ATP13A2: variants seen among roughly 807,000 people sequenced by gnomAD.
ATP13A2 encodes the protein polyamine-transporting ATPase 13A2.
In ATP13A2, 83 loss-of-function variants were observed where a neutral mutation model predicts 138.3. That is an observed-to-expected ratio of 0.60 (90% CI 0.50 to 0.72). The LOEUF is 0.72. Among genes scored for constraint, ATP13A2 ranks in the 30% least tolerant of loss-of-function variants. ATP13A2 has a pLI of 0.00. For missense variants in ATP13A2, 1,402 were observed against 1,606.4 expected, an observed-to-expected ratio of 0.87 and a Z score of 2.17; for synonymous variants, 663 against 699.0, an observed-to-expected ratio of 0.95 and a Z score of 0.81.
intron 15 of ATP13A2, among the ~76,000 whole-genome samples, chr1:16,994,671 A>AT (rs549102990): frequency 5.5e-5 from 8 of 145,358 alleles, no homozygotes; most frequent in Admixed American, 1.4e-4. Flanking sequence ...CGGTTTATTT[A>AT]TTTTTTTTTG....
intron 16 of ATP13A2, 44 bp downstream of exon 16, chr1:16,993,585 C>T (rs1486871219): frequency 5.9e-6 from 9 of 1,536,154 alleles, no homozygotes; most frequent in African/African-American, 1.4e-5. Context: ...TTCGTTAGGC[C>T]CCACTGCCCA....
At position 16,988,296 on chromosome 1, in the gene ATP13A2, C is replaced by T. The variant is rs201437622; in HGVS notation, c.2762+26G>A. On this transcript the variant is annotated intron_variant, in intron 24 of 28. Coordinates refer to ENST00000326735, the MANE Select transcript of ATP13A2 (RefSeq NM_022089.4). ...TGGCTGACCAGCCCTGCTGAGCCCT[C>T]ACCCACCGGTCCCTGCCTGCCTTAC... 4.3e-6 allele frequency: 7 copies of T among 1,614,192 alleles called. No individual in the cohort carries two copies. The Admixed American group carries it at 1.0e-4, about 23-fold the overall frequency.
Position 17,011,651 on chromosome 1 carries a change from T to C in ATP13A2, c.10+78A>G. On this transcript the variant is annotated intron_variant, in intron 1 of 28. Transcript: ENST00000326735. This position sits in a 1 kb window ranked among gnomAD's most constrained non-coding sequence, Gnocchi z 7.3. ...CCGCGGTGGGGGGCGTCGCCTCCCCTCTCCCTCCAAGGGGTGACGACAACT... is the reference window on the plus strand; with the variant it reads ...CCGCGGTGGGGGGCGTCGCCTCCCCCCTCCCTCCAAGGGGTGACGACAACT... The C allele has an allele frequency of 7.0e-7, 1 of 1,424,520 alleles. No homozygotes were observed. Among genetic ancestry groups the C allele is most frequent in the Non-Finnish European group, 9.1e-7 (1 of 1,094,332 alleles). The allele number at this position is 1,424,520 out of a possible 1,614,324, so 88.2% of individuals were successfully genotyped here. A position where few individuals can be genotyped will look rare whatever the true frequency, so the allele number is the denominator to read the frequency against.
Position 16,992,469 on chromosome 1 carries a change from G to A in ATP13A2, c.1845+17C>T, listed in dbSNP as rs912845832. On this transcript the variant is annotated intron_variant, in intron 17 of 28. Coordinates refer to ENST00000326735, the MANE Select transcript of ATP13A2 (RefSeq NM_022089.4). ...CCACCCCTCTGCCCTGCACCCAACA[G>A]GCCCCCCTCAGCTCACCATTGCCTG... The A allele has an allele frequency of 6.2e-7, 1 of 1,613,960 alleles. No individual in the cohort carries two copies. Among genetic ancestry groups the A allele is most frequent in the Non-Finnish European group, 8.5e-7 (1 of 1,179,950 alleles).
At position 16,991,836 on chromosome 1, in the gene ATP13A2, T is replaced by C; in HGVS notation, c.2149A>G (p.Ser717Gly). The C allele has an allele frequency of 1.9e-6, 3 of 1,614,116 alleles. No homozygotes were observed. Among genetic ancestry groups the C allele is most frequent in the Non-Finnish European group, 2.5e-6 (3 of 1,180,046 alleles). ...CTCATGACCAGCAGCCCCAGGAGGCTCAGGTCTCCTTCCACAGTGTCCCTG... is the reference window on the plus strand; with the variant it reads ...CTCATGACCAGCAGCCCCAGGAGGCCCAGGTCTCCTTCCACAGTGTCCCTG... ...LTRDTVEGDL[S>G]LLGLLVMRNL... Residue 717 changes from serine to glycine, a missense_variant, in exon 20 of 29, where the codon AGC (serine) becomes GGC (glycine). Ser to Gly is a moderately conservative substitution (Grantham distance 56). Transcript: ENST00000326735.
At chr1:17,003,573 A>C (rs569401873) in intron 6 of ATP13A2, among the ~76,000 whole-genome samples, 6 of 140,506 alleles carry the variant, frequency 4.3e-5, no homozygotes, top group South Asian at 4.6e-4. Context: ...ACAAACAAAC[A>C]AACCAAAAAA....
chr1:16,995,945 T>TCCCCTG lies in ATP13A2; in HGVS notation c.1542+25_1542+30dup. The TCCCCTG allele has an allele frequency of 6.2e-7, 1 of 1,612,882 alleles. No homozygotes were observed. The highest frequency in any genetic ancestry group is 8.5e-7 in the Non-Finnish European group (1 of 1,179,854). On this transcript the variant is annotated intron_variant, in intron 15 of 28. Coordinates refer to ENST00000326735, the MANE Select transcript of ATP13A2 (RefSeq NM_022089.4). This position sits in a 1 kb window ranked among gnomAD's most constrained non-coding sequence, Gnocchi z 4.1. ...ACTGGGGCGCCTGTGGCTGTCCCGCTCCCCTGCACCAACCCCACCTGCGGC... is the reference window on the plus strand; with the variant it reads ...ACTGGGGCGCCTGTGGCTGTCCCGCTCCCCTGCCCCTGCACCAACCCCACCTGCGGC...
chr1:17,011,756 A>C lies in ATP13A2; in HGVS notation c.-18T>G. The C allele has an allele frequency of 6.9e-7, 1 of 1,445,778 alleles. No homozygotes were observed. The allele number at this position is 1,445,778 out of a possible 1,614,324, so 89.6% of individuals were successfully genotyped here. On this transcript the variant is annotated 5_prime_UTR_variant, in exon 1 of 29. It removes an upstream start codon present in the reference 5' UTR. Coordinates refer to ENST00000326735, the MANE Select transcript of ATP13A2 (RefSeq NM_022089.4). The surrounding 1 kb of genome is among the most constrained non-coding windows in gnomAD (Gnocchi z 7.3). ...GCGCTCATGCCGGCTCCTCGCGCTC[A>C]TCGCCGGCCCCGGCGCTGCGGCCCT...
chr1:16,999,380 CAAAAAAAAAAAAAA>C (rs67969184), intron 11 of ATP13A2, among the ~76,000 whole-genome samples: 46 of 56,162 alleles, frequency 8.2e-4, no homozygotes, highest in Non-Finnish European at 1.3e-3. Context: ...AACTCCATCT[CAAAAAAAAAAAAAA>C]AAAAAAAAAA....
chr1:16,993,089 G>A (rs2076991958), intron 16 of ATP13A2, among the ~76,000 whole-genome samples: 1 of 152,110 alleles, frequency 6.6e-6, no homozygotes, highest in South Asian at 2.1e-4. Flanking sequence ...GCTAATTTTT[G>A]TATTTTTATT....
Position 17,004,808 on chromosome 1 carries a change from G to A in ATP13A2, c.361C>T (p.Pro121Ser), listed in dbSNP as rs1421953227. 1.9e-6 allele frequency: 3 copies of A among 1,613,946 alleles called. No homozygotes were observed. Among genetic ancestry groups the A allele is most frequent in the Non-Finnish European group, 2.5e-6 (3 of 1,180,040 alleles). The stretch of plus-strand genomic sequence containing the variant: ...CGGCCATCCTCTGCCTGGGACTGTG[G>A]GGACGGCTCCAGGCTGGGGAAGCAG... ...AIGEGSLEPSPQSQAEDGRSQ... is the reference protein window; with the variant it reads ...AIGEGSLEPSSQSQAEDGRSQ... The change falls in exon 5 of 29, where the codon CCA (proline) becomes TCA (serine). Residue 121 changes from proline (P) to serine (S), a missense_variant. Coordinates refer to ENST00000326735, the MANE Select transcript of ATP13A2 (RefSeq NM_022089.4). The surrounding 1 kb of genome is among the most constrained non-coding windows in gnomAD (Gnocchi z 4.1).
chr1:17,011,923 G>A lies in ATP13A2; in HGVS notation c.-185C>T. On this transcript the variant is annotated 5_prime_UTR_variant, in exon 1 of 29. Transcript: ENST00000326735. This position sits in a 1 kb window ranked among gnomAD's most constrained non-coding sequence, Gnocchi z 7.3. ...GGGCCACCAGGCTCGGCGCGGCTCC[G>A]ACACTGCCGCAGTCCCTCCGTGCGC... 5.4e-6 allele frequency: 2 copies of A among 370,998 alleles called. No individual in the cohort carries two copies. Among genetic ancestry groups the A allele is most frequent in the Non-Finnish European group, 7.5e-6 (2 of 265,100 alleles). The allele number at this position is 370,998 out of a possible 1,614,324, so 23.0% of individuals were successfully genotyped here.
At chr1:16,992,706 C>T (rs2076979836) in intron 16 of ATP13A2, 125 bp from the exon 17 acceptor site, 4 of 951,754 alleles carry the variant, frequency 4.2e-6, no homozygotes, top group Non-Finnish European at 6.5e-6. Flanking sequence ...GGCTTTGGAG[C>T]CCGGTGGACT....
In ATP13A2 at chr1:17,008,298, T is replaced by A. The variant is rs543825871; in HGVS notation, c.11-2520A>T. Among the ~76,000 whole-genome samples the A allele has an allele frequency of 5.2e-3, 795 of 152,306 alleles. 8 individuals carry two copies. The highest frequency in any genetic ancestry group is 0.018 in the African/African-American group (768 of 41,580). On this transcript the variant is annotated intron_variant, in intron 1 of 28. Transcript: ENST00000326735. Reference sequence around the variant, plus strand: ...CTGGGACTACAGGCACAGGCCACCATGCCCAGCTAATTTTTTTTGTAGAGA... The same window carrying A: ...CTGGGACTACAGGCACAGGCCACCAAGCCCAGCTAATTTTTTTTGTAGAGA...
In ATP13A2 at chr1:17,011,669, C is replaced by G; in HGVS notation, c.10+60G>C. 6.8e-7 allele frequency: 1 copy of G among 1,473,914 alleles called. No homozygotes were observed. The highest frequency in any genetic ancestry group is 8.9e-7 in the Non-Finnish European group (1 of 1,119,008). The allele number at this position is 1,473,914 out of a possible 1,614,324, so 91.3% of individuals were successfully genotyped here. ...CCTCCCCTCTCCCTCCAAGGGGTGACGACAACTGGCGGGCCGGGGACCGCG... is the reference window on the plus strand; with the variant it reads ...CCTCCCCTCTCCCTCCAAGGGGTGAGGACAACTGGCGGGCCGGGGACCGCG... On this transcript the variant is annotated intron_variant, in intron 1 of 28. Transcript: ENST00000326735. This position sits in a 1 kb window ranked among gnomAD's most constrained non-coding sequence, Gnocchi z 7.3.
Position 17,011,861 on chromosome 1 carries a change from G to A in ATP13A2, c.-123C>T, listed in dbSNP as rs1329782743. The A allele has an allele frequency of 2.1e-6, 2 of 954,974 alleles. No individual in the cohort carries two copies. The highest frequency in any genetic ancestry group is 2.5e-6 in the Non-Finnish European group (2 of 790,570). 59.2% of individuals were successfully genotyped at this position (954,974 alleles called of 1,614,324 possible). A position where few individuals can be genotyped will look rare whatever the true frequency, so the allele number is the denominator to read the frequency against. ...CCGGGGCGAGGGGCGCTGGGCTAGC[G>A]CGGGGCTGGAGCAGGGCTGACGCGG... On this transcript the variant is annotated 5_prime_UTR_variant, in exon 1 of 29. Coordinates refer to ENST00000326735, the MANE Select transcript of ATP13A2 (RefSeq NM_022089.4). This position sits in a 1 kb window ranked among gnomAD's most constrained non-coding sequence, Gnocchi z 7.3.
Position 16,988,469 on chromosome 1 carries a change from C to T in ATP13A2, c.2615G>A (p.Cys872Tyr), listed in dbSNP as rs757945614. 2.5e-6 allele frequency: 4 copies of T among 1,613,732 alleles called. No homozygotes were observed. The African/African-American group carries it at 5.3e-5, about 22-fold the overall frequency. The change falls in exon 24 of 29, where the codon TGC (cysteine) becomes TAC (tyrosine). Residue 872 changes from cysteine (C) to tyrosine (Y), a missense_variant. By Grantham distance (194) the Cys-to-Tyr change is radical. Transcript: ENST00000326735. Reference protein sequence around the residue: ...LVCELQKLQYCVGMCGDGAND... With the variant: ...LVCELQKLQYYVGMCGDGAND... ...GGCGCCGTCTCCGCACATGCCCACG[C>T]AGTACCTGAAGAGAGGTGTGGACAG...
intron 23 of ATP13A2, among the ~76,000 whole-genome samples, chr1:16,989,399 T>TG (rs1013690035): frequency 6.6e-6 from 1 of 151,928 alleles, no homozygotes; most frequent in African/African-American, 2.4e-5. Context: ...TAATAAGAGA[T>TG]GGGGTCTCAC....
intron 1 of ATP13A2, among the ~76,000 whole-genome samples, chr1:17,010,593 G>A (rs757164410): frequency 6.6e-6 from 1 of 152,150 alleles, no homozygotes; most frequent in Non-Finnish European, 1.5e-5. Flanking sequence ...GGAAATGAGT[G>A]TGTCTGAATG....
Sources: allele counts gnomAD v4.1 joint callset (sites outside exome capture counted in the v4.1 genomes callset), GRCh38; gene constraint gnomAD v4.1.1; non-coding constraint Gnocchi (gnomAD v3.1); transcripts MANE v1.5; gene names NCBI Gene and HGNC (gene_info 2026-07-23, HGNC 2026-07-21).